Variants in UNC79 observed in about 807,000 individuals in gnomAD.
UNC79 encodes the protein unc-79 subunit of NALCN channel complex.
In UNC79, 37 loss-of-function variants were observed where a neutral mutation model predicts 283.1. That is an observed-to-expected ratio of 0.13 (90% CI 0.10 to 0.17). The LOEUF (loss-of-function observed/expected upper bound fraction) is 0.17. Among genes scored for constraint, UNC79 ranks in the 10% least tolerant of loss-of-function variants. The probability of loss-of-function intolerance (pLI) is 1.00; values close to 1 mark genes in which losing one functional copy is unlikely to be tolerated. For missense variants in UNC79, 2,272 were observed against 3,211.1 expected (o/e 0.71, Z 7.07); for synonymous variants, 1,107 against 1,200.2 (o/e 0.92, Z 1.61).
At chr14:93,632,434 T>G (rs1184054550) in intron 31 of UNC79, among the ~76,000 whole-genome samples, 1 of 152,200 alleles carries the variant, frequency 6.6e-6, no homozygotes, top group African/African-American at 2.4e-5. Flanking sequence ...GTGTGGTGGC[T>G]CACGCCTGTA....
intron 18 of UNC79, among the ~76,000 whole-genome samples, chr14:93,578,761 T>C (rs1034654204): frequency 6.6e-6 from 1 of 152,214 alleles, no homozygotes; most frequent in Non-Finnish European, 1.5e-5. Flanking sequence ...AATAGTGTTA[T>C]AGTACTACTA....
intron 1 of UNC79, among the ~76,000 whole-genome samples, chr14:93,337,620 G>A (rs886995505): frequency 1.3e-5 from 2 of 152,222 alleles, no homozygotes; most frequent in African/African-American, 4.8e-5. Flanking sequence ...CCCAGGAGCT[G>A]CAGCCTGGAG....
intron 1 of UNC79, among the ~76,000 whole-genome samples, chr14:93,354,978 C>T (rs1269997260): frequency 6.6e-6 from 1 of 151,602 alleles, no homozygotes; most frequent in Non-Finnish European, 1.5e-5. Context: ...ATTTCAGCCA[C>T]CAGAGATAGA....
intron 1 of UNC79, among the ~76,000 whole-genome samples, chr14:93,391,102 A>G (rs1373371196): frequency 6.6e-6 from 1 of 152,220 alleles, no homozygotes; most frequent in African/African-American, 2.4e-5. Flanking sequence ...TATCAGCACA[A>G]AAATATATAA....
chr14:93,509,680 G>A (rs1398858511), intron 7 of UNC79, among the ~76,000 whole-genome samples: 1 of 152,184 alleles, frequency 6.6e-6, no homozygotes, highest in Non-Finnish European at 1.5e-5. Flanking sequence ...GCAAGGGGTT[G>A]GCTCCCAAGG....
chr14:93,396,986 G>C (rs2055012121), intron 1 of UNC79, among the ~76,000 whole-genome samples: 1 of 152,064 alleles, frequency 6.6e-6, no homozygotes, highest in Non-Finnish European at 1.5e-5. Context: ...TGGTCATCTA[G>C]GTTCCTAGGA....
At chr14:93,406,412 A>G (rs2055226408) in intron 1 of UNC79, among the ~76,000 whole-genome samples, 2 of 151,986 alleles carry the variant, frequency 1.3e-5, no homozygotes, top group African/African-American at 4.8e-5. Flanking sequence ...GTGAGACCCC[A>G]TATCTTTAAA....
At chr14:93,587,592 A>G (rs1232850155) in intron 22 of UNC79, among the ~76,000 whole-genome samples, 1 of 152,216 alleles carries the variant, frequency 6.6e-6, no homozygotes, top group African/African-American at 2.4e-5. Context: ...GGCTTACTGT[A>G]TACATTCTTG....
intron 1 of UNC79, among the ~76,000 whole-genome samples, chr14:93,391,029 G>A (rs2054872052): frequency 6.6e-6 from 1 of 152,150 alleles, no homozygotes; most frequent in South Asian, 2.1e-4. Context: ...AAGAAAAGCA[G>A]CAATATGGCA....
At chr14:93,552,056 C>T (rs2061927159) in intron 14 of UNC79, among the ~76,000 whole-genome samples, 1 of 152,196 alleles carries the variant, frequency 6.6e-6, no homozygotes, top group Admixed American at 6.5e-5. Context: ...AAACTTTAAC[C>T]ATCTGTACGC....
chr14:93,572,800 C>T, exon 16 of UNC79: 3 of 1,613,454 alleles, frequency 1.9e-6, no homozygotes, highest in Non-Finnish European at 2.5e-6. Flanking sequence ...CAGGAGCAAG[C>T]TTTACTGTGG....
At chr14:93,666,983 A>T (rs755006696) in intron 40 of UNC79, among the ~76,000 whole-genome samples, 3 of 152,208 alleles carry the variant, frequency 2.0e-5, no homozygotes, top group Non-Finnish European at 4.4e-5. Flanking sequence ...ATGCACCTGT[A>T]GTCCTAGCTG....
rs115743683 is a variant in UNC79 at position 93,506,148 on chromosome 14, C to T, written c.898+8862C>T. The stretch of plus-strand genomic sequence containing the variant: ...CTTTAGTGCCATTCTACTGAAGATA[C>T]GTTTTCTCAGTTAGTGTTTGTCTGA... On this transcript the variant is annotated intron_variant, in intron 7 of 48. Coordinates refer to ENST00000555664, the Ensembl canonical transcript of UNC79. Among the ~76,000 whole-genome samples the T allele has an allele frequency of 4.3e-3, 650 of 151,700 alleles. 7 individuals are homozygous for T. The highest frequency in any genetic ancestry group is 0.015 in the African/African-American group (618 of 41,374).
At chr14:93,486,640 G>A (rs899392727) in intron 4 of UNC79, among the ~76,000 whole-genome samples, 4 of 129,350 alleles carry the variant, frequency 3.1e-5, no homozygotes, top group Non-Finnish European at 6.3e-5. Flanking sequence ...GGCAACAAGA[G>A]TGAGACTCTG....
chr14:93,674,941 C>A (rs1596322737), intron 41 of UNC79, among the ~76,000 whole-genome samples: 1 of 152,182 alleles, frequency 6.6e-6, no homozygotes, highest in African/African-American at 2.4e-5. Context: ...CCTTTCCATC[C>A]CTTACGTGGA....
At chr14:93,614,316 TTTATTTATTTATTTATTTA>T (rs2066528010) in intron 27 of UNC79, among the ~76,000 whole-genome samples, 1 of 150,766 alleles carries the variant, frequency 6.6e-6, no homozygotes, top group African/African-American at 2.4e-5. Flanking sequence ...TATTTATTTA[TTTATTTATTTATTTATTTA>T]GAGACGGAGT....
chr14:93,402,276 C>CAAAAAA (rs1232880016), intron 1 of UNC79, among the ~76,000 whole-genome samples: 10 of 64,522 alleles, frequency 1.5e-4, no homozygotes, highest in East Asian at 9.8e-4. Flanking sequence ...GACTCTGTCT[C>CAAAAAA]AAAAAAAAAA....
intron 1 of UNC79, among the ~76,000 whole-genome samples, chr14:93,356,999 C>T (rs1566889106): frequency 1.3e-5 from 2 of 152,188 alleles, no homozygotes; most frequent in African/African-American, 4.8e-5. Context: ...TTTCAATTCT[C>T]ACCCTCCTTC....
At chr14:93,452,608 C>T (rs538308767) in intron 1 of UNC79, among the ~76,000 whole-genome samples, 4 of 152,068 alleles carry the variant, frequency 2.6e-5, no homozygotes, top group African/African-American at 9.6e-5. Context: ...AGACTGGTCT[C>T]GACCCCTGAC....
Sources: allele counts gnomAD v4.1 joint callset (sites outside exome capture counted in the v4.1 genomes callset), GRCh38; gene constraint gnomAD v4.1.1; transcripts MANE v1.5; gene names NCBI Gene and HGNC (gene_info 2026-07-23, HGNC 2026-07-21).